The following C2CD3 variants were observed in gnomAD, a reference collection of about 807,000 sequenced individuals.
C2CD3 encodes C2 domain containing 3 centriole elongation regulator, also known as C2 domain-containing protein 3.
Under a neutral mutation model 234.0 loss-of-function variants are expected in C2CD3, and 148 were observed. That is an observed-to-expected ratio of 0.63 (90% CI 0.55 to 0.72). The LOEUF (loss-of-function observed/expected upper bound fraction) is 0.72. C2CD3 is among the 30% of genes least tolerant of loss of function. C2CD3 has a pLI of 0.00. For missense variants in C2CD3, 2,577 were observed against 2,811.5 expected (o/e 0.92, Z 1.89); for synonymous variants, 1,000 against 1,035.4 (o/e 0.97, Z 0.66).
intron 19 of C2CD3, chr11:74,091,281 T>A (rs1206965776): frequency 1.1e-5 from 2 of 179,932 alleles, no homozygotes; most frequent in Non-Finnish European, 2.3e-5. Context: ...TTTTAAACTT[T>A]CAAACGGTTT....
At chr11:74,031,020 T>C (rs1952504398) in intron 31 of C2CD3, among the ~76,000 whole-genome samples, 1 of 152,228 alleles carries the variant, frequency 6.6e-6, no homozygotes, top group African/African-American at 2.4e-5. Flanking sequence ...TTATTGCAAG[T>C]GTCCTAACTA....
chr11:74,082,942 T>C (rs1955458318), intron 22 of C2CD3, among the ~76,000 whole-genome samples: 1 of 152,186 alleles, frequency 6.6e-6, no homozygotes, highest in Admixed American at 6.5e-5. Flanking sequence ...AAAAAACTAC[T>C]TTAAAGTTCA....
Position 74,113,770 on chromosome 11 carries a change from T to C in C2CD3, c.1843+10A>G. 1 of 1,475,814 alleles carries C rather than the reference T, an allele frequency of 6.8e-7. No individual in the cohort carries two copies. The highest frequency in any genetic ancestry group is 9.5e-7 in the Non-Finnish European group (1 of 1,054,230). The allele number at this position is 1,475,814 out of a possible 1,614,324, so 91.4% of individuals were successfully genotyped here. Reference sequence around the variant, plus strand: ...ATGTCTAAGGTGCAGAAAACCAGTGTGTCTCTTACTTCCATCTGTAATTTT... The same window carrying C: ...ATGTCTAAGGTGCAGAAAACCAGTGCGTCTCTTACTTCCATCTGTAATTTT... On this transcript the variant is annotated intron_variant, in intron 11 of 32. Coordinates refer to ENST00000334126, the MANE Select transcript of C2CD3 (RefSeq NM_001286577.2).
chr11:74,079,025 G>A (rs1955205871), intron 22 of C2CD3, among the ~76,000 whole-genome samples: 1 of 152,182 alleles, frequency 6.6e-6, no homozygotes, highest in East Asian at 1.9e-4. Context: ...GAAAACTGAT[G>A]CTAGTGCTGT....
intron 32 of C2CD3, among the ~76,000 whole-genome samples, chr11:74,026,663 G>A (rs1464013052): frequency 6.6e-6 from 1 of 152,156 alleles, no homozygotes; most frequent in African/African-American, 2.4e-5. Context: ...AGAACAGAGA[G>A]TTGTGAGTCA....
chr11:74,124,380 T>G (rs1483917057), intron 7 of C2CD3, among the ~76,000 whole-genome samples: 2 of 152,190 alleles, frequency 1.3e-5, no homozygotes, highest in Non-Finnish European at 2.9e-5. Flanking sequence ...CACCTTTCCT[T>G]AGGCTACAGC....
intron 30 of C2CD3, chr11:74,036,368 C>A (rs977981531): frequency 4.5e-6 from 2 of 448,240 alleles, no homozygotes; most frequent in Non-Finnish European, 9.0e-6. Context: ...GGACAAATAA[C>A]AGAATAGTGC....
At chr11:74,041,945 G>A (rs1953082731) in intron 29 of C2CD3, 109 bp downstream of exon 29, 1 of 1,073,994 alleles carries the variant, frequency 9.3e-7, no homozygotes, top group East Asian at 2.4e-5. Flanking sequence ...CTCTACTAAT[G>A]TTCCTAGGGC....
At position 74,103,134 on chromosome 11, in the gene C2CD3, A is replaced by G; in HGVS notation, c.2577T>C (p.Ser859=). The stretch of plus-strand genomic sequence containing the variant: ...GATATGGAATGTACAAAGTTACCTG[A>G]GAAAAGTTAAAGACCGGTTGTGTTG... ...WGTTQPVFNF[S]QVIPVSLSSK... is the part of the protein sequence containing the mutation. Residue 859 remains serine (S), a synonymous_variant, in exon 14 of 33, where the codon TCT becomes TCC. Transcript: ENST00000334126. The G allele has an allele frequency of 6.2e-7, 1 of 1,607,854 alleles. No individual in the cohort carries two copies. The highest frequency in any genetic ancestry group is 8.5e-7 in the Non-Finnish European group (1 of 1,175,678).
At chr11:74,118,409 T>C (rs755312864) in intron 8 of C2CD3, 27 bp from the exon 9 acceptor site, 1 of 1,590,074 alleles carries the variant, frequency 6.3e-7, no homozygotes, top group South Asian at 1.1e-5. Context: ...ACAGAGACAC[T>C]AAATGACTGC....
intron 28 of C2CD3, among the ~76,000 whole-genome samples, chr11:74,046,223 C>A (rs1324049903): frequency 6.6e-6 from 1 of 152,166 alleles, no homozygotes; most frequent in East Asian, 1.9e-4. Flanking sequence ...TTTTGCAATT[C>A]CTTCCTCCTT....
rs1855605738 is a variant in C2CD3 at position 74,150,916 on chromosome 11, T to C, written c.483+10483A>G. Among the ~76,000 whole-genome samples the C allele has an allele frequency of 2.0e-5, 3 of 152,134 alleles. No individual in the cohort carries two copies. The South Asian group carries it at 6.2e-4, about 32-fold the overall frequency. Reference sequence around the variant, plus strand: ...AGTTCCACAGGAGACTTTTTCTTTCTTTCTTTCTTTTTTTTTTGTTTTTTG... The same window carrying C: ...AGTTCCACAGGAGACTTTTTCTTTCCTTCTTTCTTTTTTTTTTGTTTTTTG... On this transcript the variant is annotated intron_variant, in intron 3 of 32. Coordinates refer to ENST00000334126, the MANE Select transcript of C2CD3 (RefSeq NM_001286577.2).
intron 5 of C2CD3, among the ~76,000 whole-genome samples, chr11:74,136,056 T>C (rs1957853274): frequency 6.6e-6 from 1 of 151,788 alleles, no homozygotes; most frequent in Admixed American, 6.6e-5. Context: ...ACCCCAATTC[T>C]CAGCATCATG....
chr11:74,162,094 G>A (rs1468520745), intron 2 of C2CD3, among the ~76,000 whole-genome samples: 6 of 152,134 alleles, frequency 3.9e-5, no homozygotes, highest in East Asian at 1.9e-4. Context: ...GGGATTACAA[G>A]TATGAGGCAC....
In C2CD3 at chr11:74,034,123, C is replaced by T. The variant is rs1009929356; in HGVS notation, c.6037G>A (p.Asp2013Asn). The change falls in exon 31 of 33, where the codon GAT becomes AAT. Residue 2013 changes from aspartate to asparagine, a missense_variant. Asp to Asn is a conservative substitution (Grantham distance 23, BLOSUM62 1). Transcript: ENST00000334126. ...MPDEPLVRAP[D>N]KGTDSPSPPP... ...GGTGATGGGGAATCTGTGCCTTTATCTGGAGCTCTTACCAATGGCTCATCT... is the reference window on the plus strand; with the variant it reads ...GGTGATGGGGAATCTGTGCCTTTATTTGGAGCTCTTACCAATGGCTCATCT... 2 of 1,536,090 alleles carry T rather than the reference C, an allele frequency of 1.3e-6. No homozygotes were observed. Among genetic ancestry groups the T allele is most frequent in the Admixed American group, 2.0e-5 (1 of 50,966 alleles).
chr11:74,104,692 G>T (rs1319268125), intron 13 of C2CD3, among the ~76,000 whole-genome samples: 4 of 152,146 alleles, frequency 2.6e-5, no homozygotes, highest in Non-Finnish European at 5.9e-5. Flanking sequence ...TGAATTTAAA[G>T]AACAGAAGTG....
chr11:74,046,288 A>G (rs186430195), intron 28 of C2CD3, among the ~76,000 whole-genome samples: 2 of 152,104 alleles, frequency 1.3e-5, no homozygotes, highest in African/African-American at 4.8e-5. Flanking sequence ...GCTTTCTGTC[A>G]CTATAGGTTA....
chr11:74,142,173 AAAAAC>A (rs1204778854), intron 3 of C2CD3: 1 of 152,210 alleles, frequency 6.6e-6, no homozygotes, highest in African/African-American at 2.4e-5. Flanking sequence ...GTGCTTTGGC[AAAAAC>A]CTTAGATATG....
intron 14 of C2CD3, 152 bp downstream of exon 14, chr11:74,102,979 C>A: frequency 1.4e-6 from 1 of 713,394 alleles, no homozygotes; most frequent in South Asian, 2.2e-5. Context: ...TTCCCTCTTC[C>A]CATCCAATAG....
Sources: gnomAD v4.1 joint callset for allele counts (sites outside exome capture counted in the v4.1 genomes callset) on GRCh38, gnomAD v4.1.1 for gene constraint, MANE v1.5 for transcripts, NCBI Gene and HGNC (gene_info 2026-07-23, HGNC 2026-07-21) for gene names.